Variants in DNM3 observed in about 807,000 individuals in gnomAD.
DNM3 encodes the protein dynamin-3.
DNM3 carries 47 observed loss-of-function variants against 101.6 expected under a neutral mutation model. That is an observed-to-expected ratio of 0.46 (90% CI 0.37 to 0.59). The LOEUF (loss-of-function observed/expected upper bound fraction) is 0.59. DNM3 is among the 20% of genes least tolerant of loss of function. The pLI, the probability that DNM3 is intolerant of heterozygous loss-of-function variation, is 0.00. For missense variants in DNM3, 849 were observed against 1,085.7 expected, an observed-to-expected ratio of 0.78 and a Z score of 3.06; for synonymous variants, 385 against 387.9, an observed-to-expected ratio of 0.99 and a Z score of 0.09.
At chr1:171,998,561 T>A (rs1558397240) in intron 4 of DNM3, among the ~76,000 whole-genome samples, 1 of 152,250 alleles carries the variant, frequency 6.6e-6, no homozygotes, top group East Asian at 1.9e-4. Flanking sequence ...CAAGTACCAT[T>A]CTTATCATCA....
intron 17 of DNM3, among the ~76,000 whole-genome samples, chr1:172,345,679 T>C (rs1286586350): frequency 6.6e-6 from 1 of 152,170 alleles, no homozygotes; most frequent in Non-Finnish European, 1.5e-5. Context: ...TATATAGACA[T>C]TTAGTTAGCA....
intron 2 of DNM3, among the ~76,000 whole-genome samples, chr1:171,984,127 A>G (rs928140995): frequency 1.3e-5 from 2 of 151,938 alleles, no homozygotes; most frequent in Non-Finnish European, 2.9e-5. Flanking sequence ...ACCACTCATC[A>G]CCACCCCACT....
chr1:172,379,202 C>T lies in DNM3; in HGVS notation c.2058+20C>T. 1 of 1,575,090 alleles carries T rather than the reference C, an allele frequency of 6.3e-7. No homozygotes were observed. The highest frequency in any genetic ancestry group is 8.7e-7 in the Non-Finnish European group (1 of 1,155,650). ...AATAACGTAAGTGATTATAAACTAC[C>T]TCCATTTAACTTCTAACCCATCCGA... is the stretch of plus-strand genomic sequence containing the variant. On this transcript the variant is annotated intron_variant, in intron 18 of 20. Coordinates refer to ENST00000627582, the MANE Select transcript of DNM3 (RefSeq NM_015569.5).
At chr1:172,220,777 A>G (rs2060879147) in intron 14 of DNM3, among the ~76,000 whole-genome samples, 1 of 152,202 alleles carries the variant, frequency 6.6e-6, no homozygotes, top group Non-Finnish European at 1.5e-5. Flanking sequence ...AGCAGTAAAC[A>G]CCAAGCTATC....
At chr1:172,213,669 A>G (rs960223540) in intron 14 of DNM3, among the ~76,000 whole-genome samples, 1 of 151,936 alleles carries the variant, frequency 6.6e-6, no homozygotes, top group Non-Finnish European at 1.5e-5. Context: ...CTCTACTGAA[A>G]AAGCAAAAAA....
intron 15 of DNM3, among the ~76,000 whole-genome samples, chr1:172,291,393 G>A (rs79682908): frequency 0.015 from 2,338 of 152,260 alleles, 54 homozygotes; most frequent in African/African-American, 0.051. Flanking sequence ...AACACAGGGT[G>A]GAAGTTCATG....
At chr1:172,109,034 T>TATGA (rs1292126433) in intron 13 of DNM3, among the ~76,000 whole-genome samples, 1 of 152,244 alleles carries the variant, frequency 6.6e-6, no homozygotes, top group Non-Finnish European at 1.5e-5. Context: ...TGCACTATAA[T>TATGA]ATGAATTCTT....
At chr1:171,868,017 A>T (rs1367725388) in intron 1 of DNM3, among the ~76,000 whole-genome samples, 1 of 152,232 alleles carries the variant, frequency 6.6e-6, no homozygotes, top group Non-Finnish European at 1.5e-5. Context: ...TGCCACTCTT[A>T]TAGGTATATA....
chr1:172,335,917 T>C (rs2066403441), intron 17 of DNM3, among the ~76,000 whole-genome samples: 1 of 151,990 alleles, frequency 6.6e-6, no homozygotes, highest in South Asian at 2.1e-4. Context: ...GTAACAAACC[T>C]GCACGTTTAC....
chr1:172,034,418 T>C (rs1277402381), intron 6 of DNM3, among the ~76,000 whole-genome samples: 2 of 151,872 alleles, frequency 1.3e-5, no homozygotes, highest in African/African-American at 4.8e-5. Context: ...CTACAAAAAA[T>C]ACAAATAAAC....
At chr1:172,090,371 T>C (rs2053826382) in intron 12 of DNM3, among the ~76,000 whole-genome samples, 1 of 152,140 alleles carries the variant, frequency 6.6e-6, no homozygotes, top group South Asian at 2.1e-4. Context: ...AGGAGAGTGC[T>C]ACTCAAGACG....
At chr1:172,106,735 ATATACT>A (rs754330763) in intron 13 of DNM3, among the ~76,000 whole-genome samples, 13 of 151,440 alleles carry the variant, frequency 8.6e-5, no homozygotes, top group Non-Finnish European at 1.3e-4. Context: ...TGTTATATTG[ATATACT>A]TAGAAAACAT....
In DNM3 at chr1:172,412,426, A is replaced by G. The variant is rs1469666133; in HGVS notation, c.*4585A>G. ...CAGCCTTTGTTTTGCTTGCTTGTCT[A>G]TTTTTACTTTCCCTTTTTTGGGTCA... On this transcript the variant is annotated 3_prime_UTR_variant, in exon 21 of 21. Transcript: ENST00000627582. 5.1e-6 allele frequency: 5 copies of G among 985,316 alleles called. No homozygotes were observed. The highest frequency in any genetic ancestry group is 6.0e-6 in the Non-Finnish European group (5 of 829,832). The allele number at this position is 985,316 out of a possible 1,614,324, so 61.0% of individuals were successfully genotyped here. A position where few individuals can be genotyped will look rare whatever the true frequency, so the allele number is the denominator to read the frequency against.
At chr1:172,343,821 A>G (rs1196198796) in intron 17 of DNM3, among the ~76,000 whole-genome samples, 2 of 152,022 alleles carry the variant, frequency 1.3e-5, no homozygotes, top group Non-Finnish European at 2.9e-5. Flanking sequence ...TTTTTGCCAA[A>G]AGGTTTATTA....
intron 1 of DNM3, among the ~76,000 whole-genome samples, chr1:171,890,893 C>G (rs1045845221): frequency 1.3e-5 from 2 of 152,128 alleles, no homozygotes; most frequent in Non-Finnish European, 2.9e-5. Context: ...TTCTTGAACT[C>G]CTGGCCTCAA....
intron 2 of DNM3, among the ~76,000 whole-genome samples, chr1:171,949,119 G>C (rs985639858): frequency 1.3e-5 from 2 of 151,936 alleles, no homozygotes; most frequent in Non-Finnish European, 2.9e-5. Flanking sequence ...GTTTTAATAT[G>C]GGAAATTGTC....
At chr1:172,267,390 A>ATTTC (rs2062905368) in intron 15 of DNM3, among the ~76,000 whole-genome samples, 2 of 152,232 alleles carry the variant, frequency 1.3e-5, no homozygotes, top group Non-Finnish European at 2.9e-5. Context: ...CTAGAACTTC[A>ATTTC]AATGCAAGTG....
At chr1:171,922,924 T>C (rs1379421520) in intron 2 of DNM3, among the ~76,000 whole-genome samples, 1 of 152,260 alleles carries the variant, frequency 6.6e-6, no homozygotes, top group Non-Finnish European at 1.5e-5. Context: ...TCTGGATAGA[T>C]CACATTTTGT....
chr1:172,277,966 T>C (rs927805624), intron 15 of DNM3, among the ~76,000 whole-genome samples: 1 of 152,080 alleles, frequency 6.6e-6, no homozygotes. Flanking sequence ...GCATAAAAAA[T>C]TAGTCTGTTC....
Sources: gnomAD v4.1 joint callset for allele counts (sites outside exome capture counted in the v4.1 genomes callset) on GRCh38, gnomAD v4.1.1 for gene constraint, MANE v1.5 for transcripts, NCBI Gene and HGNC (gene_info 2026-07-23, HGNC 2026-07-21) for gene names.